HGF: variants seen among roughly 807,000 people sequenced by gnomAD.
HGF encodes the protein fibroblast-derived tumor cytotoxic factor.
HGF carries 39 observed loss-of-function variants against 111.6 expected under a neutral mutation model. The ratio of observed to expected loss-of-function variants is 0.35; its 90% confidence interval spans 0.27 to 0.46. The LOEUF (loss-of-function observed/expected upper bound fraction) is 0.46. HGF is among the 20% of genes least tolerant of loss of function. The pLI, the probability that HGF is intolerant of heterozygous loss-of-function variation, is 1.00. For synonymous variants in HGF, 285 were observed against 294.8 expected (o/e 0.97, Z 0.34); for missense variants, 735 against 910.5 (o/e 0.81, Z 2.48).
chr7:81,717,503 G>C (rs1286402198), intron 10 of HGF, 138 bp from the exon 11 acceptor site: 1 of 906,670 alleles, frequency 1.1e-6, no homozygotes. Flanking sequence ...ATGAATTTTA[G>C]CTATTTTGTT....
At chr7:81,716,958 A>C (rs1184527795) in intron 11 of HGF, among the ~76,000 whole-genome samples, 1 of 152,044 alleles carries the variant, frequency 6.6e-6, no homozygotes, top group African/African-American at 2.4e-5. Context: ...GTGGCCAATT[A>C]ATGCTTTCGG....
At chr7:81,712,521 A>G (rs1225994976) in intron 11 of HGF, among the ~76,000 whole-genome samples, 1 of 152,230 alleles carries the variant, frequency 6.6e-6, no homozygotes, top group East Asian at 1.9e-4. Context: ...AATTCTAATT[A>G]AAACCTGTAG....
In HGF at chr7:81,745,101, A is replaced by G. The variant is rs1249974488; in HGVS notation, c.645T>C (p.Asn215=). The change falls in exon 6 of 18, where the codon AAT becomes AAC. Residue 215 remains asparagine (N), a synonymous_variant. Coordinates refer to ENST00000222390, the MANE Select transcript of HGF (RefSeq NM_000601.6). ...QCSEVECMTC[N]GESYRGLMDH... ...CCATGAGACCTCGATAACTCTCCCC[A>G]TTGCAGGTCATGCATTCAACTAATA... 6.2e-7 allele frequency: 1 copy of G among 1,613,894 alleles called. No homozygotes were observed. Among genetic ancestry groups the G allele is most frequent in the Non-Finnish European group, 8.5e-7 (1 of 1,179,852 alleles).
intron 8 of HGF, among the ~76,000 whole-genome samples, chr7:81,726,249 G>A (rs1790006990): frequency 6.6e-6 from 1 of 152,076 alleles, no homozygotes; most frequent in African/African-American, 2.4e-5. Flanking sequence ...CACAGGCCTA[G>A]AGTTTCACCC....
intron 15 of HGF, 121 bp downstream of exon 15, chr7:81,706,166 G>T: frequency 1.2e-6 from 1 of 848,672 alleles, no homozygotes. Flanking sequence ...TATATATACA[G>T]CATGTAACAT....
At chr7:81,731,730 A>C (rs940200851) in intron 7 of HGF, among the ~76,000 whole-genome samples, 3 of 152,200 alleles carry the variant, frequency 2.0e-5, no homozygotes, top group African/African-American at 7.2e-5. Flanking sequence ...TGATAACTCT[A>C]AAACAGGTAC....
At chr7:81,716,157 TA>T (rs1370960684) in intron 11 of HGF, among the ~76,000 whole-genome samples, 1 of 152,138 alleles carries the variant, frequency 6.6e-6, no homozygotes, top group Non-Finnish European at 1.5e-5. Context: ...TGGCAATGTC[TA>T]GAGATAGTTT....
rs1789747913 is a variant in HGF at position 81,717,617 on chromosome 7, A to AT, written c.1272-253dup. 2.6e-5 allele frequency among the ~76,000 whole-genome samples: 4 copies of AT among 152,144 alleles called. No homozygotes were observed. The South Asian group carries it at 8.3e-4, about 32-fold the overall frequency. ...CATAATTGGCATATTAGGTTTTGTG[A>AT]TTTTGCCTCTATTTGGTAATCCCAG... On this transcript the variant is annotated intron_variant, in intron 10 of 17. Coordinates refer to ENST00000222390, the MANE Select transcript of HGF (RefSeq NM_000601.6).
intron 4 of HGF, among the ~76,000 whole-genome samples, chr7:81,754,898 G>T (rs1788686501): frequency 6.6e-6 from 1 of 152,006 alleles, no homozygotes; most frequent in African/African-American, 2.4e-5. Flanking sequence ...TCTGTAATAA[G>T]CATTTATTCA....
chr7:81,765,337 T>C (rs1042219552), intron 1 of HGF, among the ~76,000 whole-genome samples: 2 of 152,168 alleles, frequency 1.3e-5, no homozygotes, highest in Non-Finnish European at 2.9e-5. Flanking sequence ...TGAAATGTGT[T>C]AATGTTTTGT....
chr7:81,730,396 A>G lies in HGF; in HGVS notation c.866-617T>C, dbSNP rs560979611. Among the ~76,000 whole-genome samples the G allele has an allele frequency of 1.4e-3, 211 of 152,354 alleles. 2 individuals carry two copies. Among genetic ancestry groups the G allele is most frequent in the African/African-American group, 4.7e-3 (197 of 41,584 alleles). ...CTTGAACTCAGGAAGTGGAGGTTGC[A>G]GTGAGCCAAGATCGTGCCATTGCAC... is the stretch of plus-strand genomic sequence containing the variant. On this transcript the variant is annotated intron_variant, in intron 7 of 17. Transcript: ENST00000222390.
chr7:81,704,599 G>T (rs1351528149), intron 17 of HGF, among the ~76,000 whole-genome samples: 2 of 151,654 alleles, frequency 1.3e-5, no homozygotes, highest in Admixed American at 1.3e-4. Context: ...TCAGAGCAAG[G>T]TGTATAACAC....
intron 7 of HGF, among the ~76,000 whole-genome samples, chr7:81,740,125 T>C (rs1257912551): frequency 6.6e-6 from 1 of 152,142 alleles, no homozygotes; most frequent in Non-Finnish European, 1.5e-5. Context: ...TCTTTGTGGG[T>C]GTTAAATAAA....
intron 5 of HGF, chr7:81,751,503 A>T: frequency 3.8e-5 from 2 of 52,782 alleles, no homozygotes; most frequent in Middle Eastern, 0.031. Flanking sequence ...AGGTCCATAG[A>T]CATGCCTTCA....
intron 1 of HGF, among the ~76,000 whole-genome samples, chr7:81,764,788 T>C (rs2116255075): frequency 6.6e-6 from 1 of 152,172 alleles, no homozygotes. Context: ...CATTTCAAAT[T>C]TTGATTTCTG....
Position 81,736,215 on chromosome 7 carries a change from T to C in HGF, c.866-6436A>G, listed in dbSNP as rs780571946. Among the ~76,000 whole-genome samples, 234 of 152,214 alleles carry C rather than the reference T, an allele frequency of 1.5e-3. 1 individual carries two copies. Among genetic ancestry groups the C allele is most frequent in the Non-Finnish European group, 2.8e-3 (190 of 67,976 alleles). On this transcript the variant is annotated intron_variant, in intron 7 of 17. Coordinates refer to ENST00000222390, the MANE Select transcript of HGF (RefSeq NM_000601.6). ...CCTGTGGTCAACCGTCATCCAAAAA[T>C]ATTAAATAAAAAATTCCAGAAGTAA... is the stretch of plus-strand genomic sequence containing the variant.
chr7:81,742,617 G>C (rs1788049861), intron 7 of HGF: 9 of 846,810 alleles, frequency 1.1e-5, no homozygotes, highest in South Asian at 3.5e-5. Context: ...TATTGTTTAA[G>C]AGAACAGTGA....
intron 5 of HGF, among the ~76,000 whole-genome samples, chr7:81,750,719 AC>A (rs1204728905): frequency 6.6e-6 from 1 of 152,140 alleles, no homozygotes; most frequent in Non-Finnish European, 1.5e-5. Context: ...TGGCCAAGGT[AC>A]CGGCCTTTGA....
chr7:81,735,110 A>C (rs1787784928), intron 7 of HGF, among the ~76,000 whole-genome samples: 1 of 152,058 alleles, frequency 6.6e-6, no homozygotes, highest in Non-Finnish European at 1.5e-5. Flanking sequence ...GGCCATGAAG[A>C]CCAGGATCCA....
Sources: gnomAD v4.1 joint callset for allele counts (sites outside exome capture counted in the v4.1 genomes callset) on GRCh38, gnomAD v4.1.1 for gene constraint, MANE v1.5 for transcripts, NCBI Gene and HGNC (gene_info 2026-07-23, HGNC 2026-07-21) for gene names.